TMEM132B: variants seen among roughly 807,000 people sequenced by gnomAD.
The protein encoded by TMEM132B is transmembrane protein 132B.
In TMEM132B, 18 loss-of-function variants were observed where a neutral mutation model predicts 90.8. The ratio of observed to expected loss-of-function variants is 0.20; its 90% CI spans 0.14 to 0.29. The LOEUF is 0.29. Among genes scored for constraint, TMEM132B ranks in the 10% least tolerant of loss-of-function variants. TMEM132B has a pLI of 1.00. For synonymous variants in TMEM132B, 504 were observed against 523.3 expected (o/e 0.96, Z 0.50); for missense variants, 1,096 against 1,326.8 (o/e 0.83, Z 2.70).
chr12:125,629,454 T>C (rs1051763563), intron 5 of TMEM132B, among the ~76,000 whole-genome samples: 2 of 152,030 alleles, frequency 1.3e-5, no homozygotes, highest in Admixed American at 6.5e-5. Context: ...ATTGTTGGCA[T>C]ATAGAAATGC....
intron 2 of TMEM132B, among the ~76,000 whole-genome samples, chr12:125,391,303 G>A (rs774569310): frequency 5.9e-5 from 9 of 152,194 alleles, no homozygotes; most frequent in Non-Finnish European, 1.0e-4. Flanking sequence ...GCTCTTGTTA[G>A]CAGAGAGCAC....
At chr12:125,636,278 A>G (rs1375695728) in intron 5 of TMEM132B, among the ~76,000 whole-genome samples, 1 of 152,142 alleles carries the variant, frequency 6.6e-6, no homozygotes, top group Non-Finnish European at 1.5e-5. Flanking sequence ...TCAGTGCACC[A>G]TCGGCTTGAA....
intron 3 of TMEM132B, among the ~76,000 whole-genome samples, chr12:125,418,632 T>C (rs421277): frequency 0.033 from 5,096 of 152,168 alleles, 309 homozygotes; most frequent in African/African-American, 0.12. Flanking sequence ...CCCTGCAAAA[T>C]GCTGTAATCT....
Position 125,658,460 on chromosome 12 carries a change from G to A in TMEM132B, c.*3750G>A, listed in dbSNP as rs921853612. ...TGAACCCTACAAGTCAGGGACACCA[G>A]TGTGTTTTCTACTCGAGTTACCTAA... is the stretch of plus-strand genomic sequence containing the variant. On this transcript the variant is annotated 3_prime_UTR_variant, in exon 9 of 9. Coordinates refer to ENST00000682704, the MANE Select transcript of TMEM132B (RefSeq NM_001366854.1). 3.3e-5 allele frequency: 5 copies of A among 152,214 alleles called. No homozygotes were observed. Among genetic ancestry groups the A allele is most frequent in the African/African-American group, 1.2e-4 (5 of 41,458 alleles). The allele number at this position is 152,214 out of a possible 1,614,324, so 9.4% of individuals were successfully genotyped here.
At chr12:125,447,704 A>C (rs1370725733) in intron 3 of TMEM132B, among the ~76,000 whole-genome samples, 1 of 152,038 alleles carries the variant, frequency 6.6e-6, no homozygotes, top group East Asian at 1.9e-4. Flanking sequence ...AAATGGTGTC[A>C]GTTTTTATTT....
intron 3 of TMEM132B, among the ~76,000 whole-genome samples, chr12:125,477,602 A>C (rs989728511): frequency 5.3e-5 from 8 of 151,720 alleles, no homozygotes; most frequent in Admixed American, 4.6e-4. Context: ...TTTCAACTTT[A>C]GTTAATATTG....
At chr12:125,628,491 T>A (rs1408973820) in intron 5 of TMEM132B, among the ~76,000 whole-genome samples, 1 of 152,188 alleles carries the variant, frequency 6.6e-6, no homozygotes, top group African/African-American at 2.4e-5. Context: ...TTTGATTGAA[T>A]TATTCAATTT....
intron 1 of TMEM132B, among the ~76,000 whole-genome samples, chr12:125,307,978 T>G (rs1489601254): frequency 7.3e-6 from 1 of 136,548 alleles, no homozygotes; most frequent in Non-Finnish European, 1.5e-5. Flanking sequence ...AATATAAGTA[T>G]ATTAAGTAAT....
rs1885435410 is a variant in TMEM132B at position 125,596,172 on chromosome 12, A to G, written c.1437+12178A>G. Among the ~76,000 whole-genome samples the G allele has an allele frequency of 4.6e-5, 7 of 152,288 alleles. No homozygotes were observed. In the South Asian group the frequency reaches 1.4e-3, roughly 32 times the overall value. ...TCAGGGGGTTTAGAATGAGCAGTTT[A>G]TTAGTGTTTTATTGATTTATATCAC... On this transcript the variant is annotated intron_variant, in intron 5 of 8. Transcript: ENST00000682704.
At chr12:125,452,583 A>G (rs1043334810) in intron 3 of TMEM132B, among the ~76,000 whole-genome samples, 2 of 152,208 alleles carry the variant, frequency 1.3e-5, no homozygotes, top group African/African-American at 4.8e-5. Flanking sequence ...GTAGTAGTAT[A>G]TACTCTACCA....
chr12:125,491,751 C>T (rs933963514), intron 3 of TMEM132B, among the ~76,000 whole-genome samples: 15 of 152,168 alleles, frequency 9.9e-5, no homozygotes, highest in African/African-American at 3.4e-4. Flanking sequence ...CTCGATGGAT[C>T]GATAGGCGTT....
At chr12:125,449,442 A>T (rs1881092282) in intron 3 of TMEM132B, among the ~76,000 whole-genome samples, 1 of 152,046 alleles carries the variant, frequency 6.6e-6, no homozygotes, top group Non-Finnish European at 1.5e-5. Context: ...TTTATTCCTG[A>T]TATTCATAAC....
chr12:125,380,993 G>T (rs1208971017), intron 2 of TMEM132B, among the ~76,000 whole-genome samples: 1 of 152,208 alleles, frequency 6.6e-6, no homozygotes, highest in African/African-American at 2.4e-5. Context: ...GCTCAGAGTT[G>T]CTTCTGTCCT....
chr12:125,328,495 C>T (rs976243271), intron 1 of TMEM132B, among the ~76,000 whole-genome samples: 1 of 152,206 alleles, frequency 6.6e-6, no homozygotes, highest in Non-Finnish European at 1.5e-5. Flanking sequence ...CAGAGCCACA[C>T]TTGCTCTGAA....
In TMEM132B at chr12:125,213,227, C is replaced by A. The variant is rs1247355515; in HGVS notation, c.67+26361C>A. On this transcript the variant is annotated intron_variant, in intron 1 of 8. Coordinates refer to ENST00000682704, the MANE Select transcript of TMEM132B (RefSeq NM_001366854.1). This position sits in a 1 kb window ranked among gnomAD's most constrained non-coding sequence, Gnocchi z 4.2. ...CTTGCACAGTGGTTTTAAGGTTCAT[C>A]CACGTTGTAGCCTGTGTCAGTGCTA... Among the ~76,000 whole-genome samples, 1 of 152,218 alleles carries A rather than the reference C, an allele frequency of 6.6e-6. No individual in the cohort carries two copies. The highest frequency in any genetic ancestry group is 2.4e-5 in the African/African-American group (1 of 41,456).
rs181214048 is a variant in TMEM132B at position 125,341,119 on chromosome 12, G to T, written c.68-8333G>T. 8.7e-4 allele frequency among the ~76,000 whole-genome samples: 133 copies of T among 152,316 alleles called. 2 individuals are homozygous for T. In the East Asian group the frequency reaches 0.023, roughly 26 times the overall value. On this transcript the variant is annotated intron_variant, in intron 1 of 8. Coordinates refer to ENST00000682704, the MANE Select transcript of TMEM132B (RefSeq NM_001366854.1). Reference sequence around the variant, plus strand: ...ATTACGCTCTTACAATGTAGATTTTGCTTGCTCGAGCTTTCCTCTGGCAGC... The same window carrying T: ...ATTACGCTCTTACAATGTAGATTTTTCTTGCTCGAGCTTTCCTCTGGCAGC...
intron 1 of TMEM132B, among the ~76,000 whole-genome samples, chr12:125,219,428 G>T (rs1365553980): frequency 6.6e-6 from 1 of 152,174 alleles, no homozygotes; most frequent in African/African-American, 2.4e-5. Flanking sequence ...ACTGAAGTGT[G>T]CCTGGAGTGG....
chr12:125,336,786 A>T (rs1876975763), intron 1 of TMEM132B, among the ~76,000 whole-genome samples: 1 of 152,170 alleles, frequency 6.6e-6, no homozygotes. Context: ...CATAAATCCA[A>T]CTGATGGCAG....
At chr12:125,538,043 G>A (rs894388704) in intron 4 of TMEM132B, among the ~76,000 whole-genome samples, 34 of 152,324 alleles carry the variant, frequency 2.2e-4, no homozygotes, top group Admixed American at 2.0e-4. Flanking sequence ...ATTGGCGTCA[G>A]CATTGCCATC....
Sources: allele counts gnomAD v4.1 joint callset (sites outside exome capture counted in the v4.1 genomes callset), GRCh38; gene constraint gnomAD v4.1.1; non-coding constraint Gnocchi (gnomAD v3.1); transcripts MANE v1.5; gene names NCBI Gene and HGNC (gene_info 2026-07-23, HGNC 2026-07-21).